The following CDC42 variants were observed in gnomAD, a reference collection of about 807,000 sequenced individuals.
The protein encoded by CDC42 is cell division cycle 42, also known as cell division control protein 42 homolog.
In CDC42, 1 loss-of-function variant was observed where a neutral mutation model predicts 20.8. The ratio of observed to expected loss-of-function variants is 0.05; its 90% CI spans 0.02 to 0.23. The LOEUF is 0.23. CDC42 is among the 10% of genes least tolerant of loss of function. CDC42 has a pLI of 1.00. For synonymous variants in CDC42, 72 were observed against 84.8 expected (o/e 0.85, Z 0.83); for missense variants, 49 against 227.9 (o/e 0.21, Z 5.05).
chr1:22,063,478 A>G (rs1279923103), intron 1 of CDC42, among the ~76,000 whole-genome samples: 1 of 152,170 alleles, frequency 6.6e-6, no homozygotes, highest in African/African-American at 2.4e-5. Flanking sequence ...AACTTTTGTA[A>G]TAAGTTAATA....
rs1303310312 is a variant in CDC42, at chr1:22,094,236, T to TA, written c.*2720dup. On this transcript the variant is annotated 3_prime_UTR_variant, in exon 6 of 6. Transcript: ENST00000656825. The stretch of plus-strand genomic sequence containing the variant: ...TTGTGTCAGAATTTATAGTATTTAA[T>TA]ACGATGTTAATATATTATTGCTATT... 6.6e-6 allele frequency among the ~76,000 whole-genome samples: 1 copy of TA among 150,486 alleles called. No individual in the cohort carries two copies. Among genetic ancestry groups the TA allele is most frequent in the Non-Finnish European group, 1.5e-5 (1 of 67,786 alleles).
chr1:22,069,692 G>A (rs544690114), intron 1 of CDC42, among the ~76,000 whole-genome samples: 14 of 144,684 alleles, frequency 9.7e-5, no homozygotes, highest in African/African-American at 3.6e-4. Flanking sequence ...GTCTTGATTT[G>A]CTGGGCTCAA....
intron 1 of CDC42, among the ~76,000 whole-genome samples, chr1:22,056,461 T>C (rs1204932004): frequency 6.6e-6 from 1 of 152,234 alleles, no homozygotes; most frequent in African/African-American, 2.4e-5. Context: ...TTCCTTATCT[T>C]CCTTTATTTC....
intron 1 of CDC42, among the ~76,000 whole-genome samples, chr1:22,054,921 A>ATAT (rs1645285768): frequency 4.1e-4 from 8 of 19,386 alleles, no homozygotes; most frequent in African/African-American, 1.4e-3. Context: ...ATATATATAT[A>ATAT]TTTTTTTTTT....
At chr1:22,053,353 C>G (rs371122271) in intron 1 of CDC42, 1 of 151,640 alleles carries the variant, frequency 6.6e-6, no homozygotes, top group African/African-American at 2.4e-5. Flanking sequence ...GGTGCCTGTC[C>G]GAGCTCCCCT....
At chr1:22,065,266 G>T (rs1369868879) in intron 1 of CDC42, among the ~76,000 whole-genome samples, 1 of 152,138 alleles carries the variant, frequency 6.6e-6, no homozygotes, top group Non-Finnish European at 1.5e-5. Flanking sequence ...GTGTGATTAG[G>T]TTATTTCGTC....
chr1:22,070,621 G>A (rs779340704), intron 1 of CDC42, among the ~76,000 whole-genome samples: 16 of 151,582 alleles, frequency 1.1e-4, no homozygotes, highest in Admixed American at 5.3e-4. Flanking sequence ...CCACCACCAC[G>A]CCCAGCTGAT....
chr1:22,072,260 G>C (rs1645500969), intron 1 of CDC42, among the ~76,000 whole-genome samples: 1 of 151,682 alleles, frequency 6.6e-6, no homozygotes, highest in African/African-American at 2.4e-5. Context: ...ACCACGCCTG[G>C]CTAATTTTTT....
intron 2 of CDC42, among the ~76,000 whole-genome samples, chr1:22,079,241 C>G (rs575205254): frequency 6.6e-6 from 1 of 151,380 alleles, no homozygotes; most frequent in Non-Finnish European, 1.5e-5. Context: ...CGGGTTCAAG[C>G]AGTTCTCCTG....
chr1:22,080,363 A>G (rs1645595173), intron 2 of CDC42, among the ~76,000 whole-genome samples: 1 of 152,306 alleles, frequency 6.6e-6, no homozygotes, highest in Non-Finnish European at 1.5e-5. Flanking sequence ...GCTTAACCAC[A>G]TTCATTCAAT....
chr1:22,056,532 T>C (rs1183785954), intron 1 of CDC42, among the ~76,000 whole-genome samples: 1 of 152,260 alleles, frequency 6.6e-6, no homozygotes, highest in African/African-American at 2.4e-5. Context: ...GGTCATGTTA[T>C]GCTTTGTGTC....
rs1307524141 is a variant in CDC42, at chr1:22,092,614, G to A, written c.*1097G>A. On this transcript the variant is annotated 3_prime_UTR_variant, in exon 6 of 6. Transcript: ENST00000656825. ...GAAGCTGGGGGTAGGGTGGGGGTGG[G>A]GAGAACACTTAACAACATGGGGACC... is the stretch of plus-strand genomic sequence containing the variant. 6.6e-6 allele frequency: 1 copy of A among 151,494 alleles called. No homozygotes were observed. Among genetic ancestry groups the A allele is most frequent in the Non-Finnish European group, 1.5e-5 (1 of 67,844 alleles). The allele number at this position is 151,494 out of a possible 1,614,324, so 9.4% of individuals were successfully genotyped here.
chr1:22,062,136 A>T (rs2152827140), intron 1 of CDC42, among the ~76,000 whole-genome samples: 2 of 148,644 alleles, frequency 1.3e-5, no homozygotes, highest in East Asian at 4.1e-4. Context: ...GGGTTTCACC[A>T]CGTTGGCCAG....
chr1:22,072,283 G>A (rs1340034023), intron 1 of CDC42, among the ~76,000 whole-genome samples: 1 of 151,640 alleles, frequency 6.6e-6, no homozygotes, highest in Non-Finnish European at 1.5e-5. Flanking sequence ...ATTTTTAGTA[G>A]AGTCGGGGTT....
intron 1 of CDC42, chr1:22,059,657 C>T (rs41266025): frequency 0.012 from 1,884 of 152,370 alleles, 15 homozygotes; most frequent in Non-Finnish European, 0.019. Flanking sequence ...GATTCTCTTG[C>T]CTCAGCCTCC....
At chr1:22,060,460 A>T (rs534721589) in intron 1 of CDC42, among the ~76,000 whole-genome samples, 1 of 152,222 alleles carries the variant, frequency 6.6e-6, no homozygotes. Flanking sequence ...GTGGAATAAA[A>T]GAATATTATG....
At chr1:22,078,983 A>C (rs1006796476) in intron 2 of CDC42, 24 of 528,972 alleles carry the variant, frequency 4.5e-5, no homozygotes, top group Admixed American at 9.3e-5. Flanking sequence ...GAGAGAAAGT[A>C]GTATGTGTCT....
At chr1:22,077,340 A>G (rs1386044037) in intron 1 of CDC42, among the ~76,000 whole-genome samples, 1 of 152,174 alleles carries the variant, frequency 6.6e-6, no homozygotes, top group Non-Finnish European at 1.5e-5. Context: ...TGCATGAGGT[A>G]GTATAGGTTC....
At chr1:22,073,567 T>C (rs1479628669) in intron 1 of CDC42, among the ~76,000 whole-genome samples, 3 of 151,156 alleles carry the variant, frequency 2.0e-5, no homozygotes, top group Middle Eastern at 3.4e-3. Flanking sequence ...ATAAAAAACC[T>C]AGAAGATATG....
Sources: allele counts gnomAD v4.1 joint callset (sites outside exome capture counted in the v4.1 genomes callset), GRCh38; gene constraint gnomAD v4.1.1; transcripts MANE v1.5; gene names NCBI Gene and HGNC (gene_info 2026-07-23, HGNC 2026-07-21).